Variants in RXRG observed in about 807,000 individuals in gnomAD.
RXRG encodes retinoid X receptor gamma, also known as retinoic acid receptor RXR-gamma.
In RXRG, 19 loss-of-function variants were observed where a neutral mutation model predicts 49.2. The observed-to-expected ratio is 0.39, with a 90% CI of 0.27 to 0.57. RXRG has a LOEUF of 0.57. Ranked by LOEUF, RXRG falls within the 20% of genes least tolerant of loss-of-function variation. The pLI, the probability that RXRG is intolerant of heterozygous loss-of-function variation, is 0.64. For missense variants in RXRG, 452 were observed against 592.5 expected, an observed-to-expected ratio of 0.76 and a Z score of 2.46; for synonymous variants, 224 against 216.6, an observed-to-expected ratio of 1.03 and a Z score of -0.30.
intron 2 of RXRG, 148 bp downstream of exon 2, chr1:165,428,571 C>G (rs1413089868): frequency 1.2e-6 from 1 of 868,876 alleles, no homozygotes; most frequent in Non-Finnish European, 1.7e-6. Flanking sequence ...GCAATGAAGG[C>G]CCTGCCTGAG....
intron 1 of RXRG, among the ~76,000 whole-genome samples, chr1:165,440,461 T>C (rs116056180): frequency 0.017 from 2,583 of 152,324 alleles, 33 homozygotes; most frequent in Admixed American, 0.028. Flanking sequence ...CAATTGAGCA[T>C]CTATAATCCA....
rs1659114178 is a variant in RXRG at position 165,444,936 on chromosome 1, A to G, written c.-43T>C. 4.4e-6 allele frequency: 7 copies of G among 1,581,236 alleles called. No individual in the cohort carries two copies. In the South Asian group the frequency reaches 5.5e-5, roughly 12 times the overall value. On this transcript the variant is annotated 5_prime_UTR_variant, in exon 1 of 10. Transcript: ENST00000359842. ...TGTTCCTCTCCTGTGCAGCTTCTAA[A>G]TATTACCGCCTCTCTCGGCTCCCAG...
intron 4 of RXRG, among the ~76,000 whole-genome samples, chr1:165,415,128 C>T (rs141415393): frequency 9.3e-4 from 141 of 152,094 alleles, no homozygotes; most frequent in African/African-American, 3.3e-3. Flanking sequence ...ATGATATAAC[C>T]AGGCAAGGCT....
intron 9 of RXRG, among the ~76,000 whole-genome samples, chr1:165,405,408 T>C (rs2101702986): frequency 6.6e-6 from 1 of 152,338 alleles, no homozygotes; most frequent in South Asian, 2.1e-4. Context: ...CAAAATCCAA[T>C]ATTTTCTTCT....
intron 1 of RXRG, among the ~76,000 whole-genome samples, chr1:165,444,209 G>A (rs1269167417): frequency 6.6e-6 from 1 of 152,150 alleles, no homozygotes; most frequent in African/African-American, 2.4e-5. Flanking sequence ...GAGTGGAAGT[G>A]ATTGCAGCAA....
intron 4 of RXRG, among the ~76,000 whole-genome samples, chr1:165,414,670 A>C: frequency 6.6e-6 from 1 of 152,334 alleles, no homozygotes; most frequent in South Asian, 2.1e-4. Flanking sequence ...TGTAGTCATT[A>C]GTTTCATTTT....
chr1:165,407,629 C>T (rs1489620409), intron 8 of RXRG, among the ~76,000 whole-genome samples: 1 of 152,226 alleles, frequency 6.6e-6, no homozygotes, highest in East Asian at 1.9e-4. Flanking sequence ...CAGAGGCTGA[C>T]AGCTCTCAGA....
At chr1:165,401,762 C>G (rs575431771) in intron 9 of RXRG, among the ~76,000 whole-genome samples, 1 of 152,356 alleles carries the variant, frequency 6.6e-6, no homozygotes, top group African/African-American at 2.4e-5. Context: ...TTCTCTGTGT[C>G]CCTCGGGTAC....
At chr1:165,421,393 T>C (rs1270221638) in intron 2 of RXRG, among the ~76,000 whole-genome samples, 1 of 152,210 alleles carries the variant, frequency 6.6e-6, no homozygotes, top group Non-Finnish European at 1.5e-5. Context: ...GTGGAACTTG[T>C]AACCAGTATT....
intron 8 of RXRG, among the ~76,000 whole-genome samples, chr1:165,407,230 T>G (rs1436645478): frequency 2.0e-5 from 3 of 152,226 alleles, no homozygotes; most frequent in Non-Finnish European, 2.9e-5. Flanking sequence ...GTGCCTATTA[T>G]GTGCTGAGCA....
In RXRG at chr1:165,437,263, T is replaced by C. The variant is rs1042717875; in HGVS notation, c.49+7582A>G. The C allele has an allele frequency of 3.7e-6, 5 of 1,351,704 alleles. No homozygotes were observed. In the African/African-American group the frequency reaches 7.4e-5, roughly 20 times the overall value. 83.7% of individuals were successfully genotyped at this position (1,351,704 alleles called of 1,614,324 possible). ...GCACGCCTGGCTAAGCATCTGCTTG[T>C]ATATGGGCTGTGTAAGACACCAAGA... On this transcript the variant is annotated intron_variant, in intron 1 of 9. Transcript: ENST00000359842.
chr1:165,429,585 G>A (rs1335915666), intron 1 of RXRG, among the ~76,000 whole-genome samples: 1 of 152,142 alleles, frequency 6.6e-6, no homozygotes, highest in African/African-American at 2.4e-5. Flanking sequence ...ATCTATTGAA[G>A]CTTTATGTAC....
intron 2 of RXRG, among the ~76,000 whole-genome samples, chr1:165,423,108 G>C (rs144263076): frequency 1.3e-5 from 2 of 152,194 alleles, no homozygotes; most frequent in African/African-American, 2.4e-5. Flanking sequence ...GAGACAGGTT[G>C]GTTGATGTTT....
At chr1:165,429,148 A>G (rs1157423251) in intron 1 of RXRG, among the ~76,000 whole-genome samples, 182 bp from the exon 2 acceptor site, 5 of 152,118 alleles carry the variant, frequency 3.3e-5, no homozygotes, top group Non-Finnish European at 7.4e-5. Context: ...CAAGCGAGGG[A>G]CACAGAGGGG....
chr1:165,440,771 A>G (rs112332240), intron 1 of RXRG, among the ~76,000 whole-genome samples: 5,669 of 152,252 alleles, frequency 0.037, 173 homozygotes, highest in Non-Finnish European at 0.055. Context: ...CCGCGATCCA[A>G]TGCTGGTGGC....
At chr1:165,430,259 G>A (rs1658627880) in intron 1 of RXRG, among the ~76,000 whole-genome samples, 1 of 152,148 alleles carries the variant, frequency 6.6e-6, no homozygotes, top group African/African-American at 2.4e-5. Flanking sequence ...GACTTTATGT[G>A]GCTCATTATT....
intron 1 of RXRG, among the ~76,000 whole-genome samples, chr1:165,435,357 A>G (rs1190530432): frequency 4.6e-5 from 7 of 152,172 alleles, no homozygotes; most frequent in Admixed American, 6.5e-5. Context: ...ATAAGGTACT[A>G]TTAGTATCCT....
At chr1:165,417,370 G>T in intron 3 of RXRG, 150 bp from the exon 4 acceptor site, 1 of 631,794 alleles carries the variant, frequency 1.6e-6, no homozygotes. Flanking sequence ...AGAGAATGCA[G>T]GCTTGATCAC....
intron 9 of RXRG, 124 bp from the exon 10 acceptor site, chr1:165,401,534 G>T: frequency 9.8e-7 from 1 of 1,015,916 alleles, no homozygotes; most frequent in Non-Finnish European, 1.5e-6. Flanking sequence ...TGGAAGGGTA[G>T]ACAAGGGGGT....
Sources: gnomAD v4.1 joint callset for allele counts (sites outside exome capture counted in the v4.1 genomes callset) on GRCh38, gnomAD v4.1.1 for gene constraint, MANE v1.5 for transcripts, NCBI Gene and HGNC (gene_info 2026-07-23, HGNC 2026-07-21) for gene names.